The following CDH4 variants were observed in gnomAD, a reference collection of about 807,000 sequenced individuals.
CDH4 encodes cadherin 4.
CDH4 carries 33 observed loss-of-function variants against 86.0 expected under a neutral mutation model. That is an observed-to-expected ratio of 0.38 (90% CI 0.29 to 0.51). The LOEUF (loss-of-function observed/expected upper bound fraction) is 0.51, where lower values mean the gene tolerates loss of function less well. Ranked by LOEUF, CDH4 falls within the 20% of genes least tolerant of loss-of-function variation. The pLI is 0.86. For synonymous variants in CDH4, 555 were observed against 549.4 expected (o/e 1.01, Z -0.14); for missense variants, 1,114 against 1,307.4 (o/e 0.85, Z 2.28).
rs532583075 is a variant in CDH4 at position 61,624,816 on chromosome 20, G to A, written c.170-118747G>A. ...GGGGCATTCTGAGCTCTAGGGAGCCGACGCTGGCATGGGGGATAGTACAGA... is the reference window on the plus strand; with the variant it reads ...GGGGCATTCTGAGCTCTAGGGAGCCAACGCTGGCATGGGGGATAGTACAGA... On this transcript the variant is annotated intron_variant, in intron 2 of 15. Transcript: ENST00000614565. Among the ~76,000 whole-genome samples the A allele has an allele frequency of 1.1e-4, 16 of 152,318 alleles. No homozygotes were observed. The South Asian group carries it at 1.7e-3, about 16-fold the overall frequency.
intron 2 of CDH4, among the ~76,000 whole-genome samples, chr20:61,375,368 G>A (rs1279232146): frequency 2.0e-5 from 3 of 152,056 alleles, no homozygotes; most frequent in African/African-American, 7.2e-5. Context: ...CATGCTGATT[G>A]TGATGGTTGG....
At chr20:61,733,751 G>A (rs1051614876) in intron 2 of CDH4, among the ~76,000 whole-genome samples, 1 of 152,188 alleles carries the variant, frequency 6.6e-6, no homozygotes, top group African/African-American at 2.4e-5. Context: ...GAGCAAGCTG[G>A]CAACCTCTGC....
intron 7 of CDH4, among the ~76,000 whole-genome samples, chr20:61,894,488 A>C (rs1191461686): frequency 6.6e-6 from 1 of 152,136 alleles, no homozygotes; most frequent in Non-Finnish European, 1.5e-5. Flanking sequence ...CTAAACACTC[A>C]AGAAACGAAG....
At chr20:61,602,918 G>T (rs902396672) in intron 2 of CDH4, among the ~76,000 whole-genome samples, 1 of 152,214 alleles carries the variant, frequency 6.6e-6, no homozygotes, top group Non-Finnish European at 1.5e-5. Flanking sequence ...CGAATGGAGA[G>T]CCTTAGAGAT....
intron 2 of CDH4, among the ~76,000 whole-genome samples, chr20:61,603,959 G>A (rs574444781): frequency 6.6e-6 from 1 of 152,234 alleles, no homozygotes; most frequent in South Asian, 2.1e-4. Flanking sequence ...ACACACACAT[G>A]TACATGAGCA....
At chr20:61,631,320 G>A (rs564438789) in intron 2 of CDH4, among the ~76,000 whole-genome samples, 1 of 152,346 alleles carries the variant, frequency 6.6e-6, no homozygotes, top group African/African-American at 2.4e-5. Flanking sequence ...AGGGCTTCAA[G>A]TTCGGTGGGG....
At chr20:61,661,197 G>A (rs1308428948) in intron 2 of CDH4, among the ~76,000 whole-genome samples, 1 of 152,010 alleles carries the variant, frequency 6.6e-6, no homozygotes, top group Admixed American at 6.6e-5. Context: ...GAAGGGCCAT[G>A]GCTGTCACCG....
At position 61,544,137 on chromosome 20, in the gene CDH4, C is replaced by T. The variant is rs116971481; in HGVS notation, c.170-199426C>T. Reference sequence around the variant, plus strand: ...CCTCTTGGCACTACACTGTGTGGTCCGGTCCCACGGCCATGTGGTCTCTTT... The same window carrying T: ...CCTCTTGGCACTACACTGTGTGGTCTGGTCCCACGGCCATGTGGTCTCTTT... On this transcript the variant is annotated intron_variant, in intron 2 of 15. Coordinates refer to ENST00000614565, the MANE Select transcript of CDH4 (RefSeq NM_001794.5). This position sits in a 1 kb window ranked among gnomAD's most constrained non-coding sequence, Gnocchi z 6.5. Among the ~76,000 whole-genome samples, 2,013 of 152,296 alleles carry T rather than the reference C, an allele frequency of 0.013. 26 individuals are homozygous for T. Among genetic ancestry groups the T allele is most frequent in the Non-Finnish European group, 0.021 (1,396 of 68,022 alleles).
At chr20:61,413,130 C>A (rs1035542690) in intron 2 of CDH4, among the ~76,000 whole-genome samples, 4 of 152,064 alleles carry the variant, frequency 2.6e-5, no homozygotes, top group Admixed American at 2.0e-4. Context: ...CACCCAAGGC[C>A]CCCCTTCCCA....
At chr20:61,521,281 C>T (rs1282534570) in intron 2 of CDH4, among the ~76,000 whole-genome samples, 3 of 152,306 alleles carry the variant, frequency 2.0e-5, no homozygotes, top group South Asian at 2.1e-4. Context: ...GTGACAGGAA[C>T]GGCCTCTGAG....
chr20:61,754,595 G>A lies in CDH4; in HGVS notation c.396+10806G>A, dbSNP rs761046458. On this transcript the variant is annotated intron_variant, in intron 3 of 15. Transcript: ENST00000614565. The surrounding 1 kb of genome is among the most constrained non-coding windows in gnomAD (Gnocchi z 4.7). ...CACAACAGGTGCAGGCACACTGCCC[G>A]GAACACCACACACACGGTGCACGGC... Among the ~76,000 whole-genome samples, 28 of 150,578 alleles carry A rather than the reference G, an allele frequency of 1.9e-4. No individual in the cohort carries two copies. In the East Asian group the frequency reaches 2.9e-3, roughly 16 times the overall value.
intron 2 of CDH4, among the ~76,000 whole-genome samples, chr20:61,588,124 A>G (rs1373917974): frequency 1.3e-5 from 2 of 152,174 alleles, no homozygotes; most frequent in Non-Finnish European, 2.9e-5. Flanking sequence ...AGACTTAGCC[A>G]AGCGCTTAGC....
intron 2 of CDH4, among the ~76,000 whole-genome samples, chr20:61,386,574 C>A (rs997315096): frequency 1.3e-5 from 2 of 152,206 alleles, no homozygotes; most frequent in African/African-American, 4.8e-5. Context: ...GGCGGTTTGG[C>A]ACCATGAGGT....
chr20:61,382,654 T>G (rs768697699), intron 2 of CDH4, among the ~76,000 whole-genome samples: 23 of 152,200 alleles, frequency 1.5e-4, no homozygotes, highest in Non-Finnish European at 2.8e-4. Context: ...CCCTGAAGCT[T>G]CCGGGGAGGC....
At chr20:61,528,425 G>A (rs2085927022) in intron 2 of CDH4, among the ~76,000 whole-genome samples, 1 of 116,162 alleles carries the variant, frequency 8.6e-6, no homozygotes, top group Non-Finnish European at 1.8e-5. Context: ...TGGAGGGGGA[G>A]AGGAGGGGAA....
chr20:61,485,788 G>A lies in CDH4; in HGVS notation c.169+230851G>A, dbSNP rs185260409. Among the ~76,000 whole-genome samples, 6 of 152,370 alleles carry A rather than the reference G, an allele frequency of 3.9e-5. No homozygotes were observed. In the South Asian group the frequency reaches 6.2e-4, roughly 16 times the overall value. ...GCTGCAGTGCCCAGGCACGGGCCCTGTTTCTCTCAGCACTTGCCCCATACG... is the reference window on the plus strand; with the variant it reads ...GCTGCAGTGCCCAGGCACGGGCCCTATTTCTCTCAGCACTTGCCCCATACG... On this transcript the variant is annotated intron_variant, in intron 2 of 15. Coordinates refer to ENST00000614565, the MANE Select transcript of CDH4 (RefSeq NM_001794.5).
chr20:61,386,102 T>C (rs987707641), intron 2 of CDH4, among the ~76,000 whole-genome samples: 1 of 152,162 alleles, frequency 6.6e-6, no homozygotes, highest in East Asian at 1.9e-4. Flanking sequence ...GTCTGAGTAG[T>C]GACAAGGGTG....
At chr20:61,668,585 G>A (rs981389933) in intron 2 of CDH4, among the ~76,000 whole-genome samples, 1 of 152,158 alleles carries the variant, frequency 6.6e-6, no homozygotes, top group African/African-American at 2.4e-5. Flanking sequence ...TGCTGTCCAG[G>A]GCAACTCCTC....
chr20:61,545,001 C>A (rs781692838), intron 2 of CDH4, among the ~76,000 whole-genome samples: 1 of 152,172 alleles, frequency 6.6e-6, no homozygotes, highest in African/African-American at 2.4e-5. Flanking sequence ...ACTGGGGCCC[C>A]GAGTGGACAA....
Sources: gnomAD v4.1 joint callset for allele counts (sites outside exome capture counted in the v4.1 genomes callset) on GRCh38, gnomAD v4.1.1 for gene constraint, Gnocchi (gnomAD v3.1) non-coding constraint, MANE v1.5 for transcripts, NCBI Gene and HGNC (gene_info 2026-07-23, HGNC 2026-07-21) for gene names.